Variants in CD247 observed in about 807,000 individuals in gnomAD.
CD247 encodes T-cell surface glycoprotein CD3 zeta chain.
In CD247, 13 loss-of-function variants were observed where a neutral mutation model predicts 30.0. That is an observed-to-expected ratio of 0.43 (90% confidence interval 0.28 to 0.69). CD247 has a LOEUF of 0.69. Ranked by LOEUF, CD247 falls within the 30% of genes least tolerant of loss-of-function variation. The pLI is 0.16. For synonymous variants in CD247, 72 were observed against 80.0 expected, an observed-to-expected ratio of 0.90 and a Z score of 0.53; for missense variants, 193 against 212.6, an observed-to-expected ratio of 0.91 and a Z score of 0.57.
At chr1:167,482,773 C>T (rs1328308752) in intron 1 of CD247, among the ~76,000 whole-genome samples, 1 of 152,126 alleles carries the variant, frequency 6.6e-6, no homozygotes, top group Non-Finnish European at 1.5e-5. Flanking sequence ...CTGCCCGTAC[C>T]CTGGGAAGGG....
chr1:167,502,464 A>G (rs964669968), intron 1 of CD247, among the ~76,000 whole-genome samples: 1 of 152,174 alleles, frequency 6.6e-6, no homozygotes, highest in African/African-American at 2.4e-5. Context: ...ACCATCTTTA[A>G]AAGGGTGTCT....
At chr1:167,498,381 G>T (rs1029084417) in intron 1 of CD247, among the ~76,000 whole-genome samples, 14 of 152,198 alleles carry the variant, frequency 9.2e-5, no homozygotes, top group African/African-American at 1.9e-4. Flanking sequence ...GGTGAAGAGG[G>T]CCTCAAGGGA....
chr1:167,483,021 T>TCTTTCTTTCTTTCTTTCTTTC (rs1654040175), intron 1 of CD247, among the ~76,000 whole-genome samples: 1 of 151,328 alleles, frequency 6.6e-6, no homozygotes, highest in Non-Finnish European at 1.5e-5. Context: ...TCTTTTTTTT[T>TCTTTCTTTCTTTCTTTCTTTC]TTTTGAGACT....
intron 4 of CD247, among the ~76,000 whole-genome samples, chr1:167,435,976 G>T (rs527829604): frequency 6.6e-6 from 1 of 152,226 alleles, no homozygotes; most frequent in Non-Finnish European, 1.5e-5. Flanking sequence ...CTGGACAGGG[G>T]CTGGATGGAC....
chr1:167,487,595 G>A (rs564633057), intron 1 of CD247, among the ~76,000 whole-genome samples: 6 of 152,296 alleles, frequency 3.9e-5, no homozygotes, highest in South Asian at 2.1e-4. Flanking sequence ...AGTAGGCTCC[G>A]ATCTCAGTCT....
intron 1 of CD247, among the ~76,000 whole-genome samples, chr1:167,448,775 C>T (rs754575250): frequency 2.6e-5 from 4 of 152,142 alleles, no homozygotes; most frequent in East Asian, 3.8e-4. Context: ...GCAAAAGAAT[C>T]GCTTGAACCC....
intron 1 of CD247, among the ~76,000 whole-genome samples, chr1:167,501,310 C>T (rs1043658051): frequency 1.1e-4 from 17 of 152,194 alleles, no homozygotes; most frequent in African/African-American, 3.9e-4. Flanking sequence ...CCACCCGCCT[C>T]GGCCTCCCAA....
chr1:167,517,441 C>T (rs146848137), intron 1 of CD247, among the ~76,000 whole-genome samples: 178 of 152,336 alleles, frequency 1.2e-3, no homozygotes, highest in African/African-American at 3.9e-3. Context: ...GAAGATGCCA[C>T]GAGGCTGATC....
rs747528965 is a variant in CD247, at chr1:167,435,451, G to A, written c.301-17C>T. 6.2e-6 allele frequency: 10 copies of A among 1,608,140 alleles called. No homozygotes were observed. The highest frequency in any genetic ancestry group is 8.5e-6 in the Non-Finnish European group (10 of 1,174,582). ...CCTTCTCTGCTAGGAAAGACAACGGGAAGACGTTAGAGGGAGAGAAACACA... is the reference window on the plus strand; with the variant it reads ...CCTTCTCTGCTAGGAAAGACAACGGAAAGACGTTAGAGGGAGAGAAACACA... On this transcript the variant is annotated splice_polypyrimidine_tract_variant and intron_variant, in intron 4 of 7. Transcript: ENST00000362089.
intron 1 of CD247, among the ~76,000 whole-genome samples, chr1:167,506,237 TTTCTTTTCC>T (rs1655110126): frequency 2.0e-5 from 1 of 50,352 alleles, no homozygotes; most frequent in African/African-American, 1.1e-4. Context: ...TTTCTTTTCT[TTTCTTTTCC>T]TTTTCTTTTC....
chr1:167,438,604 C>A lies in CD247; in HGVS notation c.266G>T (p.Arg89Ile). ...CCCCATCTCAGGGTCCCGGCCACGT[C>A]TCTTGTCCAAAACATCGTACTCCTC... The part of the protein sequence containing the change: ...RREEYDVLDK[R>I]RGRDPEMGGK... The change falls in exon 4 of 8, where the codon AGA (arginine) becomes ATA (isoleucine). Residue 89 changes from arginine (R) to isoleucine (I), a missense_variant. Coordinates refer to ENST00000362089, the MANE Select transcript of CD247 (RefSeq NM_198053.3). The A allele has an allele frequency of 6.2e-7, 1 of 1,614,128 alleles. No homozygotes were observed. The highest frequency in any genetic ancestry group is 8.5e-7 in the Non-Finnish European group (1 of 1,179,984).
intron 1 of CD247, among the ~76,000 whole-genome samples, chr1:167,453,362 G>A (rs114473227): frequency 0.023 from 3,551 of 152,196 alleles, 55 homozygotes; most frequent in African/African-American, 0.036. Flanking sequence ...GAGAAGCCAG[G>A]TCTTGCCGGG....
At chr1:167,490,283 T>C (rs1654390794) in intron 1 of CD247, among the ~76,000 whole-genome samples, 1 of 152,198 alleles carries the variant, frequency 6.6e-6, no homozygotes. Flanking sequence ...TAATTTTTCT[T>C]CTCTCATTCT....
At chr1:167,450,346 T>A (rs1652296580) in intron 1 of CD247, among the ~76,000 whole-genome samples, 1 of 151,918 alleles carries the variant, frequency 6.6e-6, no homozygotes, top group Non-Finnish European at 1.5e-5. Flanking sequence ...AAATAAAAAA[T>A]TAGCTGGGCA....
At chr1:167,439,233 G>C in intron 3 of CD247, 111 bp downstream of exon 3, 2 of 938,214 alleles carry the variant, frequency 2.1e-6, no homozygotes, top group East Asian at 2.4e-5. Flanking sequence ...GGGTCGCAGA[G>C]GTGATAGCTA....
chr1:167,474,698 A>G (rs916675121), intron 1 of CD247, among the ~76,000 whole-genome samples: 1 of 149,954 alleles, frequency 6.7e-6, no homozygotes, highest in Non-Finnish European at 1.5e-5. Context: ...CCACTGGCCA[A>G]CGATGGAACA....
At chr1:167,514,614 T>C (rs1655526470) in intron 1 of CD247, among the ~76,000 whole-genome samples, 1 of 152,310 alleles carries the variant, frequency 6.6e-6, no homozygotes. Flanking sequence ...GGTTTAATTT[T>C]TTTTTTTAAC....
chr1:167,477,541 G>T (rs577910626), intron 1 of CD247, among the ~76,000 whole-genome samples: 1 of 152,082 alleles, frequency 6.6e-6, no homozygotes, highest in South Asian at 2.1e-4. Flanking sequence ...TTGAGACAGG[G>T]TCTTACTCTG....
At chr1:167,484,271 C>G (rs1227630582) in intron 1 of CD247, among the ~76,000 whole-genome samples, 3 of 152,238 alleles carry the variant, frequency 2.0e-5, no homozygotes, top group Non-Finnish European at 4.4e-5. Context: ...CCCTGCCCAT[C>G]TTCCTTCCCT....
Sources: gnomAD v4.1 joint callset for allele counts (sites outside exome capture counted in the v4.1 genomes callset) on GRCh38, gnomAD v4.1.1 for gene constraint, MANE v1.5 for transcripts, NCBI Gene and HGNC (gene_info 2026-07-23, HGNC 2026-07-21) for gene names.